Variants in TOX3 observed in about 807,000 individuals in gnomAD.
TOX3 encodes the protein TOX high mobility group box family member 3.
A neutral mutation model predicts 64.3 loss-of-function variants in TOX3; 22 were observed. The observed-to-expected ratio is 0.34, with a 90% CI of 0.24 to 0.49. The LOEUF (loss-of-function observed/expected upper bound fraction) is 0.49, where lower values mean the gene tolerates loss of function less well. TOX3 is among the 20% of genes least tolerant of loss of function. The probability of loss-of-function intolerance (pLI) is 0.99; values close to 1 mark genes in which losing one functional copy is unlikely to be tolerated. For missense variants in TOX3, 661 were observed against 714.4 expected, an observed-to-expected ratio of 0.93 and a Z score of 0.85; for synonymous variants, 291 against 273.6, an observed-to-expected ratio of 1.06 and a Z score of -0.63.
In TOX3 at chr16:52,519,317, A is replaced by G. The variant is rs868048797; in HGVS notation, c.87+27320T>C. On this transcript the variant is annotated intron_variant, in intron 1 of 6. Transcript: ENST00000219746. Reference sequence around the variant, plus strand: ...TTCTTAAACTAGAAATGTAAGGGTTAGTGCATTCATCAGACAAACTGATAA... The same window carrying G: ...TTCTTAAACTAGAAATGTAAGGGTTGGTGCATTCATCAGACAAACTGATAA... 8.5e-5 allele frequency: 106 copies of G among 1,254,162 alleles called. 1 individual carries two copies. The African/African-American group carries it at 1.5e-3, about 17-fold the overall frequency. 77.7% of individuals were successfully genotyped at this position (1,254,162 alleles called of 1,614,324 possible).
intron 1 of TOX3, among the ~76,000 whole-genome samples, chr16:52,493,387 G>A (rs753852306): frequency 1.9e-4 from 29 of 152,158 alleles, no homozygotes; most frequent in African/African-American, 3.6e-4. Context: ...CGAGTTCAGC[G>A]TATCCATAAA....
At chr16:52,479,500 T>C (rs769007282) in intron 1 of TOX3, among the ~76,000 whole-genome samples, 14 of 152,214 alleles carry the variant, frequency 9.2e-5, no homozygotes, top group Non-Finnish European at 1.9e-4. Flanking sequence ...TTTCAGAAGG[T>C]AAGAATAATG....
chr16:52,541,474 G>A (rs529102443), intron 1 of TOX3, among the ~76,000 whole-genome samples: 3 of 152,264 alleles, frequency 2.0e-5, no homozygotes, highest in East Asian at 3.9e-4. Context: ...GAAGGACACC[G>A]AGCAGATGTT....
chr16:52,541,218 A>G (rs1963071750), intron 1 of TOX3, among the ~76,000 whole-genome samples: 1 of 152,138 alleles, frequency 6.6e-6, no homozygotes. Flanking sequence ...CTACAAAATG[A>G]TCACAAATTA....
At chr16:52,446,480 A>G (rs1567310674) in intron 4 of TOX3, among the ~76,000 whole-genome samples, 1 of 152,234 alleles carries the variant, frequency 6.6e-6, no homozygotes, top group Non-Finnish European at 1.5e-5. Flanking sequence ...ATTATGAGTA[A>G]TGAAAAACAG....
chr16:52,445,145 T>C (rs1015553862), intron 5 of TOX3: 8 of 152,182 alleles, frequency 5.3e-5, no homozygotes, highest in African/African-American at 1.9e-4. Flanking sequence ...CAGTGCAAAC[T>C]AAAAAGAAAT....
chr16:52,519,226 C>T (rs185601101), intron 1 of TOX3, among the ~76,000 whole-genome samples: 1 of 152,194 alleles, frequency 6.6e-6, no homozygotes, highest in Admixed American at 6.5e-5. Context: ...GCCACTGAAA[C>T]TGACATTCAC....
Position 52,510,931 on chromosome 16 carries a change from A to G in TOX3, c.87+35706T>C, listed in dbSNP as rs375976870. On this transcript the variant is annotated intron_variant, in intron 1 of 6. Transcript: ENST00000219746. ...TAAATTTTGGATGCCACTATGCTCT[A>G]TCAAAGGAATCAGAGCTCCTCAGAG... Among the ~76,000 whole-genome samples the G allele has an allele frequency of 5.3e-5, 8 of 152,124 alleles. No homozygotes were observed. The East Asian group carries it at 7.7e-4, about 15-fold the overall frequency.
chr16:52,530,664 C>CTTTT (rs909188838), intron 1 of TOX3, among the ~76,000 whole-genome samples: 1 of 144,888 alleles, frequency 6.9e-6, no homozygotes, highest in African/African-American at 2.5e-5. Flanking sequence ...TTTTTTTTTT[C>CTTTT]TTTTTTTTCT....
At chr16:52,468,359 C>A in intron 2 of TOX3, 150 bp downstream of exon 2, 1 of 571,210 alleles carries the variant, frequency 1.8e-6, no homozygotes. Flanking sequence ...TTTTCTTTTC[C>A]AATAAGCTTT....
chr16:52,440,752 C>CTTTTTTTTTTTTT (rs60615310), intron 6 of TOX3, among the ~76,000 whole-genome samples: 1 of 66,610 alleles, frequency 1.5e-5, no homozygotes, highest in Non-Finnish European at 3.1e-5. Flanking sequence ...TTCTTTCTTT[C>CTTTTTTTTTTTTT]TTTTTTTTTT....
chr16:52,519,861 T>C (rs1219879978), intron 1 of TOX3, among the ~76,000 whole-genome samples: 3 of 151,506 alleles, frequency 2.0e-5, no homozygotes, highest in Non-Finnish European at 4.4e-5. Flanking sequence ...ACTCAAGAGG[T>C]TGAGGTGGGA....
At chr16:52,461,335 T>C (rs1960680267) in intron 3 of TOX3, among the ~76,000 whole-genome samples, 1 of 152,172 alleles carries the variant, frequency 6.6e-6, no homozygotes, top group Non-Finnish European at 1.5e-5. Context: ...CGACATTCAA[T>C]TTTTCAGCAA....
Position 52,439,619 on chromosome 16 carries a change from T to G in TOX3, c.1337A>C (p.Gln446Pro). Residue 446 changes from glutamine (Q) to proline (P), a missense_variant, in exon 7 of 7, where the codon CAG becomes CCG. Transcript: ENST00000219746. ...TTGTTGTTGCTGCTGCTGCTGCTGCTGCAATTGCATCTGATGCTGCTGGGT... is the reference window on the plus strand; with the variant it reads ...TTGTTGTTGCTGCTGCTGCTGCTGCGGCAATTGCATCTGATGCTGCTGGGT... The part of the protein sequence containing the change: ...VQTQQHQMQL[Q>P]QQQQQQQQQM... The G allele has an allele frequency of 6.2e-7, 1 of 1,612,426 alleles. No individual in the cohort carries two copies. Among genetic ancestry groups the G allele is most frequent in the Non-Finnish European group, 8.5e-7 (1 of 1,178,772 alleles).
At chr16:52,504,518 A>C (rs1962105717) in intron 1 of TOX3, among the ~76,000 whole-genome samples, 4 of 151,926 alleles carry the variant, frequency 2.6e-5, no homozygotes, top group Admixed American at 2.6e-4. Flanking sequence ...AGAAATGAGA[A>C]ATGTCTATGT....
At chr16:52,515,637 G>GA (rs1437563083) in intron 1 of TOX3, among the ~76,000 whole-genome samples, 1 of 152,180 alleles carries the variant, frequency 6.6e-6, no homozygotes, top group Non-Finnish European at 1.5e-5. Flanking sequence ...GAGAACACTG[G>GA]AACATGCTCT....
Position 52,450,346 on chromosome 16 carries a change from T to A in TOX3, c.609A>T (p.Pro203=). The A allele has an allele frequency of 6.2e-7, 1 of 1,614,004 alleles. No homozygotes were observed. The highest frequency in any genetic ancestry group is 8.5e-7 in the Non-Finnish European group (1 of 1,179,888). ...GGGAGGGAGTGGCTGATTTGCTTGC[T>A]GGAGGTGAAGGAGATGTGTGAGGCA... The part of the protein sequence containing the change: ...ASMPHTSPSP[P]ASKSATPSPS... Residue 203 remains proline, a synonymous_variant, in exon 4 of 7, where the codon CCA becomes CCT. Transcript: ENST00000219746.
At chr16:52,497,571 C>A (rs774060431) in intron 1 of TOX3, among the ~76,000 whole-genome samples, 1 of 152,156 alleles carries the variant, frequency 6.6e-6, no homozygotes, top group Non-Finnish European at 1.5e-5. Context: ...ATCAACAAGT[C>A]ACTAAAGATT....
At position 52,492,860 on chromosome 16, in the gene TOX3, T is replaced by C. The variant is rs187333339; in HGVS notation, c.88-24286A>G. Among the ~76,000 whole-genome samples, 59 of 151,418 alleles carry C rather than the reference T, an allele frequency of 3.9e-4. 1 individual carries two copies. The East Asian group carries it at 6.2e-3, about 16-fold the overall frequency. ...GATTCTTTCAACTCCCAATTGTGTT[T>C]TCATGAGAGGCACAAGGTAGATCAG... On this transcript the variant is annotated intron_variant, in intron 1 of 6. Transcript: ENST00000219746.
Sources: allele counts gnomAD v4.1 joint callset (sites outside exome capture counted in the v4.1 genomes callset), GRCh38; gene constraint gnomAD v4.1.1; transcripts MANE v1.5; gene names NCBI Gene and HGNC (gene_info 2026-07-23, HGNC 2026-07-21).